The following ABL2 variants were observed in gnomAD, a reference collection of about 807,000 sequenced individuals.
The protein encoded by ABL2 is ABL proto-oncogene 2, non-receptor tyrosine kinase, also known as tyrosine-protein kinase ABL2.
ABL2 carries 49 observed loss-of-function variants against 107.7 expected under a neutral mutation model. The observed-to-expected ratio is 0.45, with a 90% CI of 0.36 to 0.58. The LOEUF (loss-of-function observed/expected upper bound fraction) is 0.58. Ranked by LOEUF, ABL2 falls within the 20% of genes least tolerant of loss-of-function variation. The pLI is 0.00. For synonymous variants in ABL2, 549 were observed against 548.6 expected, an observed-to-expected ratio of 1.00 and a Z score of -0.01; for missense variants, 1,245 against 1,457.0, an observed-to-expected ratio of 0.85 and a Z score of 2.37.
rs1274126440 is a variant in ABL2, at chr1:179,108,834, C to T, written c.2433G>A (p.Gln811=). The T allele has an allele frequency of 6.2e-7, 1 of 1,614,164 alleles. No individual in the cohort carries two copies. The highest frequency in any genetic ancestry group is 8.5e-7 in the Non-Finnish European group (1 of 1,180,042). Residue 811 remains glutamine (Q), a synonymous_variant, in exon 12 of 12, where the codon CAG becomes CAA. Transcript: ENST00000502732. The part of the protein sequence containing the change: ...LPRNCQRSKL[Q]LERTVSTSSQ... ...AAGAGGTGGACACTGTCCTTTCCAG[C>T]TGGAGTTTGGACCTCTGGCAGTTCC... is the stretch of plus-strand genomic sequence containing the variant.
chr1:179,122,187 TA>T (rs1655278221), intron 4 of ABL2, among the ~76,000 whole-genome samples: 2 of 151,158 alleles, frequency 1.3e-5, no homozygotes, highest in African/African-American at 2.4e-5. Flanking sequence ...GTGCTGGGAT[TA>T]CAAGCATGAG....
At position 179,126,773 on chromosome 1, in the gene ABL2, G is replaced by C; in HGVS notation, c.392-101C>G. On this transcript the variant is annotated intron_variant, in intron 3 of 11. Transcript: ENST00000502732. The surrounding 1 kb of genome is among the most constrained non-coding windows in gnomAD (Gnocchi z 4.4). The stretch of plus-strand genomic sequence containing the variant: ...CTTTAAACTCATTAAAAAAAAAAAA[G>C]AATCTAGAACTTTTATGCCAAATTT... 1.8e-6 allele frequency: 2 copies of C among 1,110,660 alleles called. No homozygotes were observed. Among genetic ancestry groups the C allele is most frequent in the East Asian group, 2.6e-5 (1 of 37,740 alleles). The allele number at this position is 1,110,660 out of a possible 1,614,324, so 68.8% of individuals were successfully genotyped here. A position where few individuals can be genotyped will look rare whatever the true frequency, so the allele number is the denominator to read the frequency against.
rs774557872 is a variant in ABL2 at position 179,121,757 on chromosome 1, A to G, written c.798T>C (p.Cys266=). The part of the protein sequence containing the change: ...VTTLHYPAPK[C]NKPTVYGVSP... ...ACACACCATAGACTGTAGGCTTATT[A>G]CACTTGGGTGCTGGGTAGTGTAATG... Residue 266 remains cysteine (C), a synonymous_variant, in exon 5 of 12, where the codon TGT becomes TGC. Coordinates refer to ENST00000502732, the MANE Select transcript of ABL2 (RefSeq NM_007314.4). 1.9e-6 allele frequency: 3 copies of G among 1,614,046 alleles called. No individual in the cohort carries two copies. In the East Asian group the frequency reaches 6.7e-5, roughly 36 times the overall value.
rs144066805 is a variant in ABL2 at position 179,109,274 on chromosome 1, G to T, written c.1993C>A (p.Pro665Thr). ...SFMKKRNAPTPPKRSSSFREM... is the reference protein window; with the variant it reads ...SFMKKRNAPTTPKRSSSFREM... The stretch of plus-strand genomic sequence containing the variant: ...CGGAAGGAGCTGCTGCGTTTGGGGG[G>T]TGTAGGAGCATTTCTCTTCTTCATG... The change falls in exon 12 of 12, where the codon CCC (proline) becomes ACC (threonine). Residue 665 changes from proline to threonine, a missense_variant. Around this residue, in one of 3 missense-constraint regions of ABL2, gnomAD observed 761 missense variants for 766.4 expected, o/e 0.99. Coordinates refer to ENST00000502732, the MANE Select transcript of ABL2 (RefSeq NM_007314.4). 529 of 1,614,096 alleles carry T rather than the reference G, an allele frequency of 3.3e-4. No homozygotes were observed. The highest frequency in any genetic ancestry group is 4.3e-4 in the Non-Finnish European group (502 of 1,179,994).
intron 1 of ABL2, among the ~76,000 whole-genome samples, chr1:179,144,996 C>T (rs895586668): frequency 1.3e-5 from 2 of 151,922 alleles, no homozygotes; most frequent in Non-Finnish European, 1.5e-5. Context: ...TTACTTATAG[C>T]ATAATTTGGA....
chr1:179,220,049 A>T (rs1259767279), intron 1 of ABL2, among the ~76,000 whole-genome samples: 1 of 152,256 alleles, frequency 6.6e-6, no homozygotes, highest in Non-Finnish European at 1.5e-5. Context: ...TCAGACACAA[A>T]GCAAGATTTA....
At chr1:179,188,899 A>G (rs1355314649) in intron 1 of ABL2, among the ~76,000 whole-genome samples, 1 of 152,244 alleles carries the variant, frequency 6.6e-6, no homozygotes, top group Non-Finnish European at 1.5e-5. Context: ...TTGCCTCTAG[A>G]GAAGAGGCTA....
At chr1:179,174,917 A>AT (rs1337823675) in intron 1 of ABL2, among the ~76,000 whole-genome samples, 98 of 111,828 alleles carry the variant, frequency 8.8e-4, no homozygotes, top group Middle Eastern at 4.6e-3. Context: ...AATAAAATAA[A>AT]AAAAATAATA....
chr1:179,136,874 G>A (rs939617988), intron 1 of ABL2, among the ~76,000 whole-genome samples: 12 of 128,890 alleles, frequency 9.3e-5, no homozygotes, highest in East Asian at 4.0e-4. Context: ...CAAGATCGCC[G>A]CTGTGCTCCA....
intron 1 of ABL2, among the ~76,000 whole-genome samples, chr1:179,140,516 T>C (rs137917992): frequency 6.6e-6 from 1 of 152,354 alleles, no homozygotes; most frequent in African/African-American, 2.4e-5. Context: ...GTCTCCTTGC[T>C]AAAATGTAAG....
intron 1 of ABL2, among the ~76,000 whole-genome samples, chr1:179,225,360 A>G (rs959402067): frequency 6.6e-6 from 1 of 152,236 alleles, no homozygotes; most frequent in Non-Finnish European, 1.5e-5. Context: ...CAGACCTAAC[A>G]TTCATATATG....
At chr1:179,122,576 A>T (rs1655327791) in intron 4 of ABL2, among the ~76,000 whole-genome samples, 1 of 151,962 alleles carries the variant, frequency 6.6e-6, no homozygotes, top group Non-Finnish European at 1.5e-5. Flanking sequence ...AATCAAGCTC[A>T]TTGGTCTTCA....
At chr1:179,195,056 G>A (rs1172531852) in intron 1 of ABL2, among the ~76,000 whole-genome samples, 1 of 152,132 alleles carries the variant, frequency 6.6e-6, no homozygotes, top group Non-Finnish European at 1.5e-5. Context: ...GGGAGCCTGA[G>A]GCAGGTGGAT....
At position 179,103,070 on chromosome 1, in the gene ABL2, A is replaced by C. The variant is rs1653236754; in HGVS notation, c.*4648T>G. On this transcript the variant is annotated 3_prime_UTR_variant, in exon 12 of 12. Transcript: ENST00000502732. ...CAAGCATATAGTGGATAAATGGAGA[A>C]GAGTAAGAGGACCTCATCCTTCTTG... 1 of 221,796 alleles carries C rather than the reference A, an allele frequency of 4.5e-6. No individual in the cohort carries two copies. Among genetic ancestry groups the C allele is most frequent in the African/African-American group, 2.2e-5 (1 of 44,720 alleles). The allele number at this position is 221,796 out of a possible 1,614,324, so 13.7% of individuals were successfully genotyped here. A position where few individuals can be genotyped will look rare whatever the true frequency, so the allele number is the denominator to read the frequency against.
intron 1 of ABL2, among the ~76,000 whole-genome samples, chr1:179,157,237 A>C (rs1294656067): frequency 6.6e-6 from 1 of 152,150 alleles, no homozygotes; most frequent in Admixed American, 6.5e-5. Flanking sequence ...AGTCACACCT[A>C]TAATCCCAGA....
chr1:179,130,998 T>C (rs1356496597), intron 3 of ABL2, among the ~76,000 whole-genome samples: 1 of 151,046 alleles, frequency 6.6e-6, no homozygotes, highest in Non-Finnish European at 1.5e-5. Context: ...TGGAGTGCAG[T>C]GGTGTGATCT....
In ABL2 at chr1:179,100,641, G is replaced by A. The variant is rs1044702523; in HGVS notation, c.*7077C>T. ...TTCTAAAAGGTTACTTAGCATGCTC[G>A]GAGACCTCAGCTTCTGAGGGTTCAG... On this transcript the variant is annotated 3_prime_UTR_variant, in exon 12 of 12. Transcript: ENST00000502732. 9 of 229,104 alleles carry A rather than the reference G, an allele frequency of 3.9e-5. No individual in the cohort carries two copies. Among genetic ancestry groups the A allele is most frequent in the South Asian group, 1.8e-4 (1 of 5,496 alleles). The allele number at this position is 229,104 out of a possible 1,614,324, so 14.2% of individuals were successfully genotyped here. A position where few individuals can be genotyped will look rare whatever the true frequency, so the allele number is the denominator to read the frequency against.
intron 1 of ABL2, among the ~76,000 whole-genome samples, chr1:179,224,480 G>A (rs1466135214): frequency 6.6e-6 from 1 of 151,942 alleles, no homozygotes; most frequent in Non-Finnish European, 1.5e-5. Flanking sequence ...TGTTGGCCAG[G>A]CTGATCTCGA....
At chr1:179,214,433 A>G (rs1418590896) in intron 1 of ABL2, among the ~76,000 whole-genome samples, 6 of 150,786 alleles carry the variant, frequency 4.0e-5, no homozygotes, top group African/African-American at 1.5e-4. Flanking sequence ...ACACATACAC[A>G]CTATATAAGC....
Sources: gnomAD v4.1 joint callset for allele counts (sites outside exome capture counted in the v4.1 genomes callset) on GRCh38, gnomAD v4.1.1 for gene constraint, gnomAD v4.1.1 regional missense constraint, Gnocchi (gnomAD v3.1) non-coding constraint, MANE v1.5 for transcripts, NCBI Gene and HGNC (gene_info 2026-07-23, HGNC 2026-07-21) for gene names.